DNAJC6: variants seen among roughly 807,000 people sequenced by gnomAD.
The protein encoded by DNAJC6 is auxilin.
Under a neutral mutation model 110.0 loss-of-function variants are expected in DNAJC6, and 34 were observed. The observed-to-expected ratio is 0.31, with a 90% CI of 0.24 to 0.41. The LOEUF is 0.41. Among genes scored for constraint, DNAJC6 ranks in the 10% least tolerant of loss-of-function variants. The pLI, the probability that DNAJC6 is intolerant of heterozygous loss-of-function variation, is 1.00. For synonymous variants in DNAJC6, 406 were observed against 437.2 expected, an observed-to-expected ratio of 0.93 and a Z score of 0.89; for missense variants, 1,031 against 1,207.8, an observed-to-expected ratio of 0.85 and a Z score of 2.17.
At chr1:65,367,108 G>C (rs991288286) in intron 4 of DNAJC6, among the ~76,000 whole-genome samples, 4 of 152,218 alleles carry the variant, frequency 2.6e-5, no homozygotes, top group South Asian at 2.1e-4. Context: ...TAAGCTATGG[G>C]AGAGTTTTAA....
At chr1:65,365,020 T>A (rs1160299495) in intron 2 of DNAJC6, among the ~76,000 whole-genome samples, 1 of 152,234 alleles carries the variant, frequency 6.6e-6, no homozygotes, top group Non-Finnish European at 1.5e-5. Context: ...GCCCTCCCTG[T>A]CTTTAGAATC....
chr1:65,268,014 C>G (rs1653392501), intron 1 of DNAJC6, among the ~76,000 whole-genome samples: 1 of 152,094 alleles, frequency 6.6e-6, no homozygotes, highest in Non-Finnish European at 1.5e-5. Flanking sequence ...ATTAGAGTCT[C>G]TGTGTTGAAA....
intron 1 of DNAJC6, among the ~76,000 whole-genome samples, chr1:65,335,451 T>C (rs1645327408): frequency 6.6e-6 from 1 of 151,064 alleles, no homozygotes; most frequent in Non-Finnish European, 1.5e-5. Flanking sequence ...TTGTAGTAGA[T>C]AGAGACAGAA....
At chr1:65,324,700 A>G (rs1009421333) in intron 1 of DNAJC6, among the ~76,000 whole-genome samples, 4 of 152,140 alleles carry the variant, frequency 2.6e-5, no homozygotes, top group African/African-American at 4.8e-5. Flanking sequence ...AAGCTAGTTC[A>G]TGTAAGGCAG....
At chr1:65,313,475 TGCCCTTTCAATTTATCATATG>T (rs2101377939) in intron 1 of DNAJC6, among the ~76,000 whole-genome samples, 1 of 152,306 alleles carries the variant, frequency 6.6e-6, no homozygotes, top group African/African-American at 2.4e-5. Flanking sequence ...CTTTGTATCT[TGCCCTTTCAATTTATCATATG>T]AAGAAACTTA....
intron 1 of DNAJC6, among the ~76,000 whole-genome samples, chr1:65,363,428 C>A (rs12035145): frequency 3.7e-5 from 3 of 81,136 alleles, no homozygotes; most frequent in African/African-American, 8.7e-5. Flanking sequence ...GAGAGAGAGA[C>A]AGAGAAAGAG....
chr1:65,394,764 C>T (rs1414510159), intron 12 of DNAJC6, 134 bp from the exon 13 acceptor site: 12 of 1,048,670 alleles, frequency 1.1e-5, no homozygotes, highest in Non-Finnish European at 1.6e-5. Context: ...ACAGGTAAGT[C>T]CAGACTACTC....
upstream of DNAJC6, among the ~76,000 whole-genome samples, chr1:65,306,796 TA>T (rs1243597548): frequency 8.4e-6 from 1 of 118,990 alleles, no homozygotes; most frequent in Non-Finnish European, 1.9e-5. Context: ...CATTCAAAGT[TA>T]CAAAGACAAT....
intron 13 of DNAJC6, among the ~76,000 whole-genome samples, chr1:65,398,175 T>G (rs978710468): frequency 1.3e-5 from 2 of 151,758 alleles, no homozygotes; most frequent in African/African-American, 4.8e-5. Flanking sequence ...TGAGGGGGGG[T>G]CAGAATGATT....
upstream of DNAJC6, among the ~76,000 whole-genome samples, chr1:65,306,155 C>T (rs1057090344): frequency 4.7e-5 from 7 of 148,336 alleles, no homozygotes; most frequent in African/African-American, 1.5e-4. Context: ...TCAAGCGATT[C>T]TCCTGCCTCA....
chr1:65,412,826 T>C, intron 18 of DNAJC6, 98 bp from the exon 19 acceptor site: 2 of 1,013,214 alleles, frequency 2.0e-6, no homozygotes, highest in Non-Finnish European at 3.0e-6. Context: ...TAGAAAAACA[T>C]TTCCATTGCT....
At chr1:65,345,003 C>A (rs912988202) in intron 1 of DNAJC6, among the ~76,000 whole-genome samples, 1 of 152,212 alleles carries the variant, frequency 6.6e-6, no homozygotes, top group African/African-American at 2.4e-5. Flanking sequence ...AATGCTACCA[C>A]ATCCACCTCC....
upstream of DNAJC6, chr1:65,306,534 G>C (rs1029994417): frequency 6.6e-6 from 1 of 152,208 alleles, no homozygotes; most frequent in Admixed American, 6.5e-5. Flanking sequence ...AATAGAGCCT[G>C]GTTCCTCAGT....
intron 1 of DNAJC6, among the ~76,000 whole-genome samples, chr1:65,314,398 A>T (rs1249445843): frequency 1.3e-5 from 2 of 152,200 alleles, no homozygotes; most frequent in African/African-American, 4.8e-5. Flanking sequence ...TATAATAAAC[A>T]TATATGTACT....
At chr1:65,342,362 G>A (rs564656028) in intron 1 of DNAJC6, among the ~76,000 whole-genome samples, 1 of 152,258 alleles carries the variant, frequency 6.6e-6, no homozygotes, top group Non-Finnish European at 1.5e-5. Flanking sequence ...CAGAGCCATC[G>A]TGAACGAGAT....
At chr1:65,408,853 G>A (rs1646101287) in intron 17 of DNAJC6, 70 bp downstream of exon 17, 4 of 1,547,310 alleles carry the variant, frequency 2.6e-6, no homozygotes, top group Non-Finnish European at 3.5e-6. Flanking sequence ...CATGTGTATG[G>A]AGCTATCGCC....
chr1:65,289,440 C>T (rs1248353278), intron 1 of DNAJC6, among the ~76,000 whole-genome samples: 1 of 152,130 alleles, frequency 6.6e-6, no homozygotes, highest in South Asian at 2.1e-4. Context: ...CTGATCCACC[C>T]GCCTTGGCCA....
intron 1 of DNAJC6, among the ~76,000 whole-genome samples, chr1:65,289,691 T>C (rs1654134620): frequency 1.3e-5 from 2 of 152,180 alleles, no homozygotes; most frequent in African/African-American, 4.8e-5. Context: ...GATACAAATA[T>C]GTATTGTTTA....
chr1:65,388,246 T>C, intron 8 of DNAJC6, 90 bp from the exon 9 acceptor site: 1 of 1,089,446 alleles, frequency 9.2e-7, no homozygotes, highest in Non-Finnish European at 1.4e-6. Flanking sequence ...TTGAAACAGT[T>C]GAAGGTGCAT....
Sources: allele counts gnomAD v4.1 joint callset (sites outside exome capture counted in the v4.1 genomes callset), GRCh38; gene constraint gnomAD v4.1.1; transcripts MANE v1.5; gene names NCBI Gene and HGNC (gene_info 2026-07-23, HGNC 2026-07-21).